Variants in PCDHA7 observed in about 807,000 individuals in gnomAD.
PCDHA7 encodes protocadherin alpha 7.
In PCDHA7, 37 loss-of-function variants were observed where a neutral mutation model predicts 57.2. That is an observed-to-expected ratio of 0.65 (90% CI 0.50 to 0.85). The LOEUF is 0.85. Ranked by LOEUF, PCDHA7 falls within the 40% of genes least tolerant of loss-of-function variation. PCDHA7 has a pLI of 0.00. For missense variants in PCDHA7, 1,188 were observed against 1,241.8 expected (o/e 0.96, Z 0.65); for synonymous variants, 553 against 558.8 (o/e 0.99, Z 0.15).
At position 140,870,714 on chromosome 5, in the gene PCDHA7, C is replaced by A. The variant is rs2052324296; in HGVS notation, c.2355+33976C>A. On this transcript the variant is annotated intron_variant, in intron 1 of 3. Transcript: ENST00000525929. ...TGCTACAGTTCCAGGTGAGCGCGCG[C>A]GATGCGGGCGTGCCGCCTCTGAGCA... 6 of 1,612,992 alleles carry A rather than the reference C, an allele frequency of 3.7e-6. No individual in the cohort carries two copies. The African/African-American group carries it at 4.0e-5, about 11-fold the overall frequency.
In PCDHA7 at chr5:140,982,560, C is replaced by G. The variant is rs782437404; in HGVS notation, c.2500C>G (p.Pro834Ala). The G allele has an allele frequency of 5.6e-6, 9 of 1,614,098 alleles. No homozygotes were observed. Among genetic ancestry groups the G allele is most frequent in the South Asian group, 4.4e-5 (4 of 91,078 alleles). ...QQWPTVSSAT[P>A]EPEAGEVSPP... ...GTGGCCAACAGTATCCAGTGCAACA[C>G]CAGGTAAAGAGCTGGGGTCTCTCCA... Residue 834 changes from proline to alanine, a missense_variant, in exon 3 of 4, where the codon CCA (proline) becomes GCA (alanine). Physicochemically the swap from Pro to Ala is conservative, Grantham distance 27. Coordinates refer to ENST00000525929, the MANE Select transcript of PCDHA7 (RefSeq NM_018910.3).
At chr5:140,855,874 T>C (rs1554147980) in intron 1 of PCDHA7, 13 of 866,802 alleles carry the variant, frequency 1.5e-5, no homozygotes, top group East Asian at 2.6e-5. Flanking sequence ...GTCCACAAAA[T>C]AGCTTTTTAG....
At chr5:140,998,403 A>G (rs375947232) in intron 3 of PCDHA7, among the ~76,000 whole-genome samples, 5 of 152,114 alleles carry the variant, frequency 3.3e-5, no homozygotes, top group Non-Finnish European at 7.4e-5. Context: ...CTTTATGCCA[A>G]AGTTTATCTA....
intron 1 of PCDHA7, chr5:140,927,048 G>C: frequency 6.2e-7 from 1 of 1,612,122 alleles, no homozygotes; most frequent in Non-Finnish European, 8.5e-7. Flanking sequence ...CTATGTCCTC[G>C]CGGAACTTTC....
At position 140,876,973 on chromosome 5, in the gene PCDHA7, G is replaced by A. The variant is rs2056750069; in HGVS notation, c.2355+40235G>A. ...CTCGCTGGTGGAGCGGCGGGTGGGC[G>A]AGCACGCACTGTCGAGCTACGTGTC... is the stretch of plus-strand genomic sequence containing the variant. On this transcript the variant is annotated intron_variant, in intron 1 of 3. Transcript: ENST00000525929. 3 of 1,612,624 alleles carry A rather than the reference G, an allele frequency of 1.9e-6. No individual in the cohort carries two copies. The South Asian group carries it at 3.3e-5, about 18-fold the overall frequency.
At chr5:140,883,757 C>A (rs369534214) in intron 1 of PCDHA7, 175 of 1,612,790 alleles carry the variant, frequency 1.1e-4, no homozygotes, top group Non-Finnish European at 1.5e-4. Flanking sequence ...GCTGGTGGAG[C>A]GGCGGGTGGG....
chr5:140,842,525 A>G, intron 1 of PCDHA7: 1 of 1,613,292 alleles, frequency 6.2e-7, no homozygotes, highest in Non-Finnish European at 8.5e-7. Flanking sequence ...GTCCACCTTC[A>G]AGAATTACTA....
At chr5:140,854,380 A>G (rs2043104788) in intron 1 of PCDHA7, 1 of 155,922 alleles carries the variant, frequency 6.4e-6, no homozygotes, top group African/African-American at 2.4e-5. Context: ...TACATAACTC[A>G]TTACATTTTA....
intron 1 of PCDHA7, chr5:140,927,497 T>A: frequency 6.2e-7 from 1 of 1,614,094 alleles, no homozygotes; most frequent in Non-Finnish European, 8.5e-7. Flanking sequence ...CACCTGCTGG[T>A]GCTTACAGCT....
intron 1 of PCDHA7, chr5:140,884,214 T>G: frequency 6.2e-7 from 1 of 1,613,446 alleles, no homozygotes; most frequent in African/African-American, 1.3e-5. Context: ...CGCCTTCTGG[T>G]GCTGGTGAAG....
At chr5:140,927,906 C>G (rs116016831) in intron 1 of PCDHA7, 1 of 1,614,180 alleles carries the variant, frequency 6.2e-7, no homozygotes, top group Non-Finnish European at 8.5e-7. Flanking sequence ...ATCATGCCCC[C>G]GAACTGGACT....
At chr5:140,857,037 T>C in intron 1 of PCDHA7, 1 of 1,596,258 alleles carries the variant, frequency 6.3e-7, no homozygotes, top group Non-Finnish European at 8.6e-7. Context: ...CCACCTATGG[T>C]TGGTCACTGC....
chr5:140,877,737 G>A, intron 1 of PCDHA7: 6 of 1,614,176 alleles, frequency 3.7e-6, no homozygotes, highest in Non-Finnish European at 5.1e-6. Flanking sequence ...AGCAGAGGAG[G>A]CAGAGGGTGT....
intron 1 of PCDHA7, among the ~76,000 whole-genome samples, chr5:140,953,965 G>A (rs1554221174): frequency 6.6e-6 from 1 of 152,024 alleles, no homozygotes; most frequent in Non-Finnish European, 1.5e-5. Flanking sequence ...GCCCCAGTGT[G>A]TGTTGTTCCC....
Position 140,994,560 on chromosome 5 carries a change from C to T in PCDHA7, c.2503+11997C>T, listed in dbSNP as rs140191916. Among the ~76,000 whole-genome samples, 970 of 152,032 alleles carry T rather than the reference C, an allele frequency of 6.4e-3. 14 individuals carry two copies. Among genetic ancestry groups the T allele is most frequent in the African/African-American group, 0.023 (943 of 41,474 alleles). On this transcript the variant is annotated intron_variant, in intron 3 of 3. Coordinates refer to ENST00000525929, the MANE Select transcript of PCDHA7 (RefSeq NM_018910.3). ...TCTACAAAAAAAATATAAAAATTAG[C>T]CGGGTGTGGTGGCATGCACTTGTAG...
intron 1 of PCDHA7, among the ~76,000 whole-genome samples, chr5:140,897,495 A>G (rs1208374175): frequency 1.2e-4 from 19 of 152,006 alleles, no homozygotes; most frequent in Admixed American, 9.8e-4. Flanking sequence ...AATTTCAACC[A>G]TGTCCCTACA....
At chr5:140,913,288 T>C (rs1452332608) in intron 1 of PCDHA7, among the ~76,000 whole-genome samples, 1 of 152,172 alleles carries the variant, frequency 6.6e-6, no homozygotes, top group Non-Finnish European at 1.5e-5. Context: ...GTTTAGGTTT[T>C]AATTTCTTCA....
intron 1 of PCDHA7, among the ~76,000 whole-genome samples, chr5:140,896,855 A>G (rs2065775013): frequency 6.6e-6 from 1 of 152,196 alleles, no homozygotes; most frequent in South Asian, 2.1e-4. Flanking sequence ...TTATGGGTAC[A>G]TAATAAGTGT....
intron 1 of PCDHA7, chr5:140,870,016 G>T (rs1554163708): frequency 6.2e-7 from 1 of 1,613,566 alleles, no homozygotes; most frequent in African/African-American, 1.3e-5. Flanking sequence ...GAGGGTCAAT[G>T]GAACTTTAGA....
Sources: gnomAD v4.1 joint callset for allele counts (sites outside exome capture counted in the v4.1 genomes callset) on GRCh38, gnomAD v4.1.1 for gene constraint, MANE v1.5 for transcripts, NCBI Gene and HGNC (gene_info 2026-07-23, HGNC 2026-07-21) for gene names.